The following TEX2 variants were observed in gnomAD, a reference collection of about 807,000 sequenced individuals.
TEX2 encodes testis expressed 2.
TEX2 carries 53 observed loss-of-function variants against 106.9 expected under a neutral mutation model. The observed-to-expected ratio is 0.50, with a 90% CI of 0.40 to 0.62. The LOEUF (loss-of-function observed/expected upper bound fraction) is 0.62, where lower values mean the gene tolerates loss of function less well. TEX2 is among the 20% of genes least tolerant of loss of function. The pLI is 0.00. For missense variants in TEX2, 1,207 were observed against 1,379.0 expected (o/e 0.88, Z 1.98); for synonymous variants, 523 against 534.8 (o/e 0.98, Z 0.30).
chr17:64,206,575 T>A (rs2032839409), intron 2 of TEX2, among the ~76,000 whole-genome samples: 1 of 87,888 alleles, frequency 1.1e-5, no homozygotes, highest in Non-Finnish European at 2.5e-5. Context: ...TTTTTTTTTT[T>A]TTGAGACGGA....
chr17:64,261,132 T>G (rs2034281055), intron 1 of TEX2, among the ~76,000 whole-genome samples: 1 of 152,114 alleles, frequency 6.6e-6, no homozygotes, highest in Non-Finnish European at 1.5e-5. Flanking sequence ...CCTCAAGGGA[T>G]TCAGAAAACC....
At chr17:64,212,424 T>C (rs1226293387) in intron 2 of TEX2, 150 bp downstream of exon 2, 3 of 702,740 alleles carry the variant, frequency 4.3e-6, no homozygotes, top group Non-Finnish European at 4.9e-6. Flanking sequence ...ATGAGTTGAC[T>C]GGGTGCCTGG....
chr17:64,210,355 G>C (rs1292816075), intron 2 of TEX2, among the ~76,000 whole-genome samples: 1 of 152,136 alleles, frequency 6.6e-6, no homozygotes, highest in Admixed American at 6.6e-5. Flanking sequence ...CAAAATATAT[G>C]ATCCTATTAA....
intron 5 of TEX2, among the ~76,000 whole-genome samples, chr17:64,182,863 C>T (rs2031932477): frequency 6.6e-6 from 1 of 151,666 alleles, no homozygotes; most frequent in African/African-American, 2.4e-5. Flanking sequence ...ACACTTTATC[C>T]ACTCACCAGT....
chr17:64,252,249 C>T (rs1419811536), intron 1 of TEX2, among the ~76,000 whole-genome samples: 3 of 152,088 alleles, frequency 2.0e-5, no homozygotes, highest in East Asian at 1.9e-4. Flanking sequence ...CATGATAGAT[C>T]CCTGTGAACT....
At chr17:64,151,293 T>C (rs1164702450) in intron 10 of TEX2, among the ~76,000 whole-genome samples, 1 of 152,130 alleles carries the variant, frequency 6.6e-6, no homozygotes, top group African/African-American at 2.4e-5. Context: ...TTTATAAAAG[T>C]AGTATATGTA....
intron 1 of TEX2, among the ~76,000 whole-genome samples, chr17:64,252,016 G>A (rs1555637054): frequency 6.6e-6 from 1 of 152,090 alleles, no homozygotes; most frequent in Admixed American, 6.5e-5. Context: ...CCCTGGCTGT[G>A]GGCTGTATAT....
chr17:64,236,913 G>A (rs1306415902), intron 1 of TEX2, among the ~76,000 whole-genome samples: 1 of 152,168 alleles, frequency 6.6e-6, no homozygotes, highest in African/African-American at 2.4e-5. Context: ...CTCTGAGAGT[G>A]AAGGCAATGA....
Position 64,160,918 on chromosome 17 carries a change from A to C in TEX2, c.2687T>G (p.Leu896Trp). ...AAAGGACCCATTGTAGGACATTTCC[A>C]AATCAATCCAGAGTCCTGGAGAAAT... is the stretch of plus-strand genomic sequence containing the variant. ...YVDHQGLWID[L>W]EMSYNGSFLM... Residue 896 changes from leucine (L) to tryptophan (W), a missense_variant, in exon 8 of 12, where the codon TTG (leucine) becomes TGG (tryptophan). Physicochemically the swap from Leu to Trp is moderately conservative, Grantham distance 61. Around this residue, in one of 3 missense-constraint regions of TEX2, gnomAD observed 1,067 missense variants for 1,193.6 expected, o/e 0.89. Coordinates refer to ENST00000584379, the MANE Select transcript of TEX2 (RefSeq NM_001288732.2). 1 of 1,614,106 alleles carries C rather than the reference A, an allele frequency of 6.2e-7. No homozygotes were observed. The highest frequency in any genetic ancestry group is 2.2e-5 in the East Asian group (1 of 44,888).
intron 1 of TEX2, among the ~76,000 whole-genome samples, chr17:64,227,414 T>G (rs554624038): frequency 4.4e-4 from 67 of 152,272 alleles, no homozygotes; most frequent in African/African-American, 1.5e-3. Flanking sequence ...TCTCATTTTC[T>G]CCATATAACA....
At chr17:64,171,796 TG>T (rs2031412608) in intron 6 of TEX2, among the ~76,000 whole-genome samples, 1 of 151,090 alleles carries the variant, frequency 6.6e-6, no homozygotes, top group Non-Finnish European at 1.5e-5. Context: ...CTGGCCAACA[TG>T]GTGAAACCCC....
chr17:64,161,859 A>T (rs1399861580), intron 7 of TEX2, among the ~76,000 whole-genome samples: 1 of 152,138 alleles, frequency 6.6e-6, no homozygotes, highest in African/African-American at 2.4e-5. Context: ...ACTTTTATAG[A>T]TCCTCACATG....
In TEX2 at chr17:64,148,985, G is replaced by C; in HGVS notation, c.3368C>G (p.Ala1123Gly). Residue 1123 changes from alanine (A) to glycine (G), a missense_variant, in exon 12 of 12, where the codon GCT becomes GGT. By Grantham distance (60) the Ala-to-Gly change is moderately conservative. This residue lies in a region of TEX2 where 77 missense variants were observed against 73.2 expected (regional missense o/e 1.05). Transcript: ENST00000584379. The stretch of plus-strand genomic sequence containing the variant: ...CATCACCCATCATGGCTGATCAGCA[G>C]CCTCCACAGGTGGGTCTTTCAGGAG... ...SCLLKDPPVE[A>G]ADQP 1.9e-6 allele frequency: 3 copies of C among 1,614,232 alleles called. No individual in the cohort carries two copies. In the African/African-American group the frequency reaches 4.0e-5, roughly 22 times the overall value.
intron 1 of TEX2, among the ~76,000 whole-genome samples, chr17:64,251,240 T>G (rs2034085678): frequency 6.6e-6 from 1 of 152,126 alleles, no homozygotes; most frequent in South Asian, 2.1e-4. Flanking sequence ...CTTAATGGTG[T>G]TCCCAATCAG....
chr17:64,172,647 C>A (rs1338947152), intron 6 of TEX2, among the ~76,000 whole-genome samples: 2 of 152,190 alleles, frequency 1.3e-5, no homozygotes, highest in Admixed American at 6.5e-5. Flanking sequence ...GTTCTCCTTG[C>A]CTTTGCTGCT....
chr17:64,154,894 C>A lies in TEX2; in HGVS notation c.2878G>T (p.Asp960Tyr). Residue 960 changes from aspartate (D) to tyrosine (Y), a missense_variant, in exon 9 of 12, where the codon GAT becomes TAT. Physicochemically the swap from Asp to Tyr is radical, Grantham distance 160 (BLOSUM62 -3). Around this residue, in one of 3 missense-constraint regions of TEX2, gnomAD observed 1,067 missense variants for 1,193.6 expected, o/e 0.89. Coordinates refer to ENST00000584379, the MANE Select transcript of TEX2 (RefSeq NM_001288732.2). ...SSSAGSSEED[D>Y]APEPSGGDKQ... is the part of the protein sequence containing the mutation. ...TCTCCCCCGCTGGGCTCTGGGGCAT[C>A]GTCTTCCTCGGAGGAGCCAGCGCTG... 6.2e-7 allele frequency: 1 copy of A among 1,609,268 alleles called. No individual in the cohort carries two copies. The highest frequency in any genetic ancestry group is 1.1e-5 in the South Asian group (1 of 90,364).
rs75019192 is a variant in TEX2 at position 64,148,548 on chromosome 17, C to T, written c.*421G>A. 1,236 of 157,774 alleles carry T rather than the reference C, an allele frequency of 7.8e-3. 33 individuals are homozygous for T. Among genetic ancestry groups the T allele is most frequent in the Admixed American group, 0.061 (959 of 15,594 alleles). 9.8% of individuals were successfully genotyped at this position (157,774 alleles called of 1,614,324 possible). A position where few individuals can be genotyped will look rare whatever the true frequency, so the allele number is the denominator to read the frequency against. ...GACATTCTCTGGAAGTGTGGAAGGCCGCATACAAAGTATAGAAGTGAAAAA... is the reference window on the plus strand; with the variant it reads ...GACATTCTCTGGAAGTGTGGAAGGCTGCATACAAAGTATAGAAGTGAAAAA... On this transcript the variant is annotated 3_prime_UTR_variant, in exon 12 of 12. Coordinates refer to ENST00000584379, the MANE Select transcript of TEX2 (RefSeq NM_001288732.2).
At position 64,148,027 on chromosome 17, in the gene TEX2, A is replaced by C. The variant is rs1409607366; in HGVS notation, c.*942T>G. ...AACTTTTGGTCTTGACTCTTGAAAT[A>C]ATTAAAGAGAGCAGTTCTCCGTTTT... On this transcript the variant is annotated 3_prime_UTR_variant, in exon 12 of 12. Transcript: ENST00000584379. 6.6e-6 allele frequency: 1 copy of C among 150,672 alleles called. No individual in the cohort carries two copies. The highest frequency in any genetic ancestry group is 2.5e-5 in the African/African-American group (1 of 39,682). The allele number at this position is 150,672 out of a possible 1,614,324, so 9.3% of individuals were successfully genotyped here. A position where few individuals can be genotyped will look rare whatever the true frequency, so the allele number is the denominator to read the frequency against.
At chr17:64,216,461 C>T (rs1385130493) in intron 1 of TEX2, among the ~76,000 whole-genome samples, 1 of 152,098 alleles carries the variant, frequency 6.6e-6, no homozygotes, top group East Asian at 1.9e-4. Context: ...TCACCCACAG[C>T]GGTGGCTATA....
Sources: gnomAD v4.1 joint callset for allele counts (sites outside exome capture counted in the v4.1 genomes callset) on GRCh38, gnomAD v4.1.1 for gene constraint, gnomAD v4.1.1 regional missense constraint, MANE v1.5 for transcripts, NCBI Gene and HGNC (gene_info 2026-07-23, HGNC 2026-07-21) for gene names.